PDK4: variants seen among roughly 807,000 people sequenced by gnomAD.
The protein encoded by PDK4 is pyruvate dehydrogenase kinase, isozyme 4.
In PDK4, 43 loss-of-function variants were observed where a neutral mutation model predicts 51.7. The ratio of observed to expected loss-of-function variants is 0.83; its 90% CI spans 0.65 to 1.07. The LOEUF is 1.07. Ranked by LOEUF, PDK4 falls within the 50% of genes least tolerant of loss-of-function variation. The pLI is 0.00. For synonymous variants in PDK4, 170 were observed against 176.6 expected, an observed-to-expected ratio of 0.96 and a Z score of 0.30; for missense variants, 498 against 503.5, an observed-to-expected ratio of 0.99 and a Z score of 0.10.
intron 1 of PDK4, among the ~76,000 whole-genome samples, 165 bp from the exon 2 acceptor site, chr7:95,595,329 T>C (rs1403756787): frequency 6.6e-6 from 1 of 152,256 alleles, no homozygotes; most frequent in East Asian, 1.9e-4. Context: ...GTCTCCTTAA[T>C]TGACTAATTC....
Position 95,592,744 on chromosome 7 carries a change from T to C in PDK4, c.529+16A>G. 1.3e-6 allele frequency: 2 copies of C among 1,598,364 alleles called. No homozygotes were observed. Among genetic ancestry groups the C allele is most frequent in the Non-Finnish European group, 1.7e-6 (2 of 1,168,122 alleles). On this transcript the variant is annotated intron_variant, in intron 4 of 10. Transcript: ENST00000005178. ...CACCCATGTCTATATACCATGATCA[T>C]GATGAGCTAACTTACTGTGCTGGTT...
rs1240770876 is a variant in PDK4, at chr7:95,585,800, A to G, written c.1096-19T>C. On this transcript the variant is annotated intron_variant, in intron 10 of 10. Coordinates refer to ENST00000005178, the MANE Select transcript of PDK4 (RefSeq NM_002612.4). ...ACAAAGCCTAAAAGAAAAGGGGGGA[A>G]AAACATGAGACCAAAGAAATTATGC... 2.5e-6 allele frequency: 4 copies of G among 1,573,438 alleles called. No individual in the cohort carries two copies. Among genetic ancestry groups the G allele is most frequent in the Non-Finnish European group, 3.5e-6 (4 of 1,150,642 alleles).
At position 95,587,531 on chromosome 7, in the gene PDK4, A is replaced by T; in HGVS notation, c.871-3T>A. Reference sequence around the variant, plus strand: ...ACACCACCTCCTCTGTCTGAAATCTAAAACAAACAAACAAGTCATCAAAGC... The same window carrying T: ...ACACCACCTCCTCTGTCTGAAATCTTAAACAAACAAACAAGTCATCAAAGC... On this transcript the variant is annotated splice_region_variant and splice_polypyrimidine_tract_variant and intron_variant, in intron 8 of 10. Transcript: ENST00000005178. 1 of 1,551,040 alleles carries T rather than the reference A, an allele frequency of 6.4e-7. No individual in the cohort carries two copies. The highest frequency in any genetic ancestry group is 8.9e-7 in the Non-Finnish European group (1 of 1,122,394).
Position 95,585,502 on chromosome 7 carries a change from A to G in PDK4, c.*139T>C, listed in dbSNP as rs929628807. The G allele has an allele frequency of 4.5e-6, 3 of 667,940 alleles. No individual in the cohort carries two copies. The highest frequency in any genetic ancestry group is 7.2e-6 in the Non-Finnish European group (3 of 416,166). The allele number at this position is 667,940 out of a possible 1,614,324, so 41.4% of individuals were successfully genotyped here. On this transcript the variant is annotated 3_prime_UTR_variant, in exon 11 of 11. Coordinates refer to ENST00000005178, the MANE Select transcript of PDK4 (RefSeq NM_002612.4). ...GTCACAGAAACAAGCTCCATTCCTCATTGGATCAGTGTTCTGATTAAGGAG... is the reference window on the plus strand; with the variant it reads ...GTCACAGAAACAAGCTCCATTCCTCGTTGGATCAGTGTTCTGATTAAGGAG...
chr7:95,587,169 T>C (rs1400375342), intron 9 of PDK4, 46 bp from the exon 10 acceptor site: 2 of 1,131,950 alleles, frequency 1.8e-6, no homozygotes, highest in South Asian at 2.5e-5. Context: ...ATGTGATCAC[T>C]GAAATACAAA....
intron 10 of PDK4, 173 bp downstream of exon 10, chr7:95,586,837 A>G: frequency 6.2e-6 from 3 of 484,020 alleles, no homozygotes; most frequent in Non-Finnish European, 1.1e-5. Flanking sequence ...CTCTTTGGTA[A>G]GTTATCATAT....
Position 95,593,696 on chromosome 7 carries a change from T to G in PDK4, c.344+3A>C, listed in dbSNP as rs1437394223. On this transcript the variant is annotated splice_donor_region_variant and intron_variant, in intron 3 of 10. Coordinates refer to ENST00000005178, the MANE Select transcript of PDK4 (RefSeq NM_002612.4). ...AACACTTATTCTAATGCATAGAGCTTACTCTGATAATGCTTTCTGGTCATC... is the reference window on the plus strand; with the variant it reads ...AACACTTATTCTAATGCATAGAGCTGACTCTGATAATGCTTTCTGGTCATC... The G allele has an allele frequency of 3.5e-6, 5 of 1,433,772 alleles. No individual in the cohort carries two copies. Among genetic ancestry groups the G allele is most frequent in the Middle Eastern group, 1.7e-4 (1 of 5,742 alleles). 88.8% of individuals were successfully genotyped at this position (1,433,772 alleles called of 1,614,324 possible).
intron 3 of PDK4, 70 bp downstream of exon 3, chr7:95,593,628 TA>T: frequency 1.3e-6 from 1 of 778,158 alleles, no homozygotes; most frequent in Non-Finnish European, 2.3e-6. Flanking sequence ...AATTTAGGTC[TA>T]AAAATATCTT....
chr7:95,594,569 C>G (rs912015872), intron 2 of PDK4, among the ~76,000 whole-genome samples: 9 of 152,186 alleles, frequency 5.9e-5, no homozygotes, highest in East Asian at 1.9e-4. Flanking sequence ...GCCAAGGATT[C>G]CACAACTAGA....
At chr7:95,587,882 G>T (rs1013329422) in intron 7 of PDK4, 57 bp from the exon 8 acceptor site, 12 of 853,622 alleles carry the variant, frequency 1.4e-5, no homozygotes, top group South Asian at 3.4e-5. Flanking sequence ...GACAATAAAT[G>T]TTTTTTTTTT....
intron 10 of PDK4, 146 bp downstream of exon 10, chr7:95,586,864 A>T (rs1584120301): frequency 3.5e-6 from 2 of 563,534 alleles, no homozygotes; most frequent in African/African-American, 3.7e-5. Context: ...ATGTACACAC[A>T]CCCAGAAAGA....
At position 95,595,179 on chromosome 7, in the gene PDK4, A is replaced by G; in HGVS notation, c.131-15T>C. 1 of 1,599,194 alleles carries G rather than the reference A, an allele frequency of 6.3e-7. No homozygotes were observed. The highest frequency in any genetic ancestry group is 8.6e-7 in the Non-Finnish European group (1 of 1,167,520). Reference sequence around the variant, plus strand: ...ATTTTCTGAACCTATAATAAATGAAATCAATTTAGTTTTGAGAAAAAGTGT... The same window carrying G: ...ATTTTCTGAACCTATAATAAATGAAGTCAATTTAGTTTTGAGAAAAAGTGT... On this transcript the variant is annotated splice_polypyrimidine_tract_variant and intron_variant, in intron 1 of 10. Transcript: ENST00000005178.
Position 95,592,069 on chromosome 7 carries a change from G to A in PDK4, c.617-4C>T, listed in dbSNP as rs1438786622. 6.5e-7 allele frequency: 1 copy of A among 1,548,884 alleles called. No individual in the cohort carries two copies. Among genetic ancestry groups the A allele is most frequent in the Non-Finnish European group, 8.8e-7 (1 of 1,142,832 alleles). On this transcript the variant is annotated splice_region_variant and splice_polypyrimidine_tract_variant and intron_variant, in intron 5 of 10. Transcript: ENST00000005178. The stretch of plus-strand genomic sequence containing the variant: ...ATCCTTGAACACTCAAAGGCATCTG[G>A]AATAGAAGTTGTTTTTTATAACAAT...
In PDK4 at chr7:95,586,995, G is replaced by T; in HGVS notation, c.1095+15C>A. ...GTTTTAGAAACAGGATTTTGCTATT[G>T]AATTCAAGGGATACCTTTAAGTAGA... On this transcript the variant is annotated intron_variant, in intron 10 of 10. Transcript: ENST00000005178. 1 of 1,384,488 alleles carries T rather than the reference G, an allele frequency of 7.2e-7. No individual in the cohort carries two copies. Among genetic ancestry groups the T allele is most frequent in the Non-Finnish European group, 1.0e-6 (1 of 973,310 alleles). 85.8% of individuals were successfully genotyped at this position (1,384,488 alleles called of 1,614,324 possible).
At chr7:95,588,452 G>A (rs145727410) in intron 7 of PDK4, among the ~76,000 whole-genome samples, 64 of 152,254 alleles carry the variant, frequency 4.2e-4, no homozygotes, top group African/African-American at 1.4e-3. Flanking sequence ...GATGTTTTCC[G>A]TCTATTGGCT....
At chr7:95,587,896 GT>G (rs1791507345) in intron 7 of PDK4, 71 bp from the exon 8 acceptor site, 2 of 957,300 alleles carry the variant, frequency 2.1e-6, no homozygotes, top group East Asian at 2.5e-5. Flanking sequence ...TTTTTTTTAT[GT>G]TTAAAATAAA....
At position 95,587,485 on chromosome 7, in the gene PDK4, C is replaced by T. The variant is rs764706747; in HGVS notation, c.914G>A (p.Arg305His). 2.2e-5 allele frequency: 36 copies of T among 1,610,646 alleles called. No homozygotes were observed. The East Asian group carries it at 4.0e-4, about 18-fold the overall frequency. The change falls in exon 9 of 11, where the codon CGC becomes CAC. Residue 305 changes from arginine (R) to histidine (H), a missense_variant. Transcript: ENST00000005178. ...AGTGGAGTATGTATAACTAAAGAGG[C>T]GGTCAATAATTCTCAGGGGAACACC... ...GGGVPLRIID[R>H]LFSYTYSTAP... is the part of the protein sequence containing the mutation.
rs776962867 is a variant in PDK4, at chr7:95,596,315, C to G, written c.-22G>C. 10 of 1,556,816 alleles carry G rather than the reference C, an allele frequency of 6.4e-6. No individual in the cohort carries two copies. The highest frequency in any genetic ancestry group is 7.8e-6 in the Non-Finnish European group (9 of 1,152,604). On this transcript the variant is annotated 5_prime_UTR_variant, in exon 1 of 11. Coordinates refer to ENST00000005178, the MANE Select transcript of PDK4 (RefSeq NM_002612.4). ...TCATCTTGACGCCCACCCGGCCTGG[C>G]GGGGACTGTGGCTGGCTTGAGGGGC... is the stretch of plus-strand genomic sequence containing the variant.
chr7:95,591,287 A>G (rs76707324), intron 6 of PDK4, among the ~76,000 whole-genome samples: 1 of 152,172 alleles, frequency 6.6e-6, no homozygotes, highest in African/African-American at 2.4e-5. Flanking sequence ...AGTATAAAAC[A>G]ATAGTGCAAT....
Sources: gnomAD v4.1 joint callset for allele counts (sites outside exome capture counted in the v4.1 genomes callset) on GRCh38, gnomAD v4.1.1 for gene constraint, MANE v1.5 for transcripts, NCBI Gene and HGNC (gene_info 2026-07-23, HGNC 2026-07-21) for gene names.